SKAP1: variants seen among roughly 807,000 people sequenced by gnomAD.
SKAP1 encodes src kinase-associated phosphoprotein 1.
In SKAP1, 44 loss-of-function variants were observed where a neutral mutation model predicts 58.5. The ratio of observed to expected loss-of-function variants is 0.75; its 90% CI spans 0.59 to 0.97. SKAP1 has a LOEUF of 0.97. Ranked by LOEUF, SKAP1 falls within the 50% of genes least tolerant of loss-of-function variation. The pLI, the probability that SKAP1 is intolerant of heterozygous loss-of-function variation, is 0.00. For synonymous variants in SKAP1, 127 were observed against 149.7 expected (o/e 0.85, Z 1.11); for missense variants, 390 against 435.2 (o/e 0.90, Z 0.92).
intron 3 of SKAP1, among the ~76,000 whole-genome samples, chr17:48,362,515 G>A (rs966405792): frequency 7.9e-5 from 12 of 152,316 alleles, no homozygotes; most frequent in African/African-American, 2.9e-4. Flanking sequence ...CACATTTTGC[G>A]AAGCAAATTG....
intron 4 of SKAP1, among the ~76,000 whole-genome samples, chr17:48,266,735 C>T (rs375660272): frequency 2.2e-4 from 34 of 152,274 alleles, no homozygotes; most frequent in East Asian, 1.9e-3. Context: ...TGGTCTCGAT[C>T]TCTTGACCTC....
intron 4 of SKAP1, among the ~76,000 whole-genome samples, chr17:48,309,508 G>A (rs2066193274): frequency 6.6e-6 from 1 of 152,104 alleles, no homozygotes; most frequent in South Asian, 2.1e-4. Flanking sequence ...GGCTTATGTG[G>A]ACACAAAATC....
intron 10 of SKAP1, among the ~76,000 whole-genome samples, chr17:48,166,189 G>GA (rs985171300): frequency 2.6e-5 from 4 of 151,640 alleles, no homozygotes; most frequent in South Asian, 2.1e-4. Context: ...TTTTTCTAGA[G>GA]AAAAAAAAGC....
chr17:48,395,897 A>G (rs1446770658), intron 2 of SKAP1, among the ~76,000 whole-genome samples: 1 of 152,222 alleles, frequency 6.6e-6, no homozygotes, highest in East Asian at 1.9e-4. Flanking sequence ...AGATACTAAG[A>G]ACTGTCAGCC....
intron 9 of SKAP1, among the ~76,000 whole-genome samples, chr17:48,175,920 G>T (rs2064283455): frequency 6.6e-6 from 1 of 152,098 alleles, no homozygotes; most frequent in South Asian, 2.1e-4. Context: ...TTCAGAGGAG[G>T]CCTGATGTTG....
intron 4 of SKAP1, among the ~76,000 whole-genome samples, chr17:48,296,853 A>G (rs534668489): frequency 3.3e-5 from 5 of 152,126 alleles, no homozygotes; most frequent in African/African-American, 9.7e-5. Flanking sequence ...TTAGGAAAAA[A>G]AAAAGCACTA....
Position 48,346,021 on chromosome 17 carries a change from A to G in SKAP1, c.179-15T>C. On this transcript the variant is annotated splice_polypyrimidine_tract_variant and intron_variant, in intron 3 of 12. Transcript: ENST00000336915. Reference sequence around the variant, plus strand: ...AATGTCTCCCCCTGAGGGACAAAAAAGACAGAAAATAAGGTTAATCTTTGG... The same window carrying G: ...AATGTCTCCCCCTGAGGGACAAAAAGGACAGAAAATAAGGTTAATCTTTGG... 6.5e-7 allele frequency: 1 copy of G among 1,527,202 alleles called. No individual in the cohort carries two copies. The highest frequency in any genetic ancestry group is 9.0e-7 in the Non-Finnish European group (1 of 1,114,084). 94.6% of individuals were successfully genotyped at this position (1,527,202 alleles called of 1,614,324 possible).
chr17:48,365,772 G>C (rs551544011), intron 2 of SKAP1, among the ~76,000 whole-genome samples: 1 of 126,858 alleles, frequency 7.9e-6, no homozygotes, highest in East Asian at 2.1e-4. Context: ...GTAGATGTGC[G>C]TCGGAGCTTT....
intron 4 of SKAP1, among the ~76,000 whole-genome samples, chr17:48,268,072 C>T (rs937710086): frequency 6.6e-6 from 1 of 152,138 alleles, no homozygotes. Context: ...CTCATCAAAT[C>T]CTCGAAAGAC....
chr17:48,299,570 A>ATG (rs34889554), intron 4 of SKAP1, among the ~76,000 whole-genome samples: 4,422 of 151,400 alleles, frequency 0.029, 231 homozygotes, highest in African/African-American at 0.1. Flanking sequence ...ATATATATGT[A>ATG]TGTGTGTGTG....
At chr17:48,326,015 ACAT>A (rs544044792) in intron 4 of SKAP1, among the ~76,000 whole-genome samples, 3 of 152,364 alleles carry the variant, frequency 2.0e-5, no homozygotes, top group Non-Finnish European at 2.9e-5. Flanking sequence ...ATGTACACAC[ACAT>A]CATCATCATT....
intron 11 of SKAP1, 43 bp from the exon 12 acceptor site, chr17:48,137,380 T>C: frequency 3.7e-6 from 5 of 1,338,608 alleles, no homozygotes; most frequent in Non-Finnish European, 5.4e-6. Context: ...AATTTGTTCA[T>C]GCTTCTGCTC....
chr17:48,445,038 G>A, the SKAP1 span, among the ~76,000 whole-genome samples: 28 of 152,128 alleles, frequency 1.8e-4, no homozygotes, highest in Non-Finnish European at 4.0e-4. Context: ...GAGAAGCAGC[G>A]AGCGAGACCG....
intron 4 of SKAP1, among the ~76,000 whole-genome samples, chr17:48,302,872 A>G (rs1013528693): frequency 3.3e-5 from 5 of 152,242 alleles, no homozygotes; most frequent in Non-Finnish European, 5.9e-5. Flanking sequence ...GAGATTTGTA[A>G]GCACAGAATT....
At chr17:48,349,139 C>A (rs187973630) in intron 3 of SKAP1, among the ~76,000 whole-genome samples, 93 of 152,300 alleles carry the variant, frequency 6.1e-4, no homozygotes, top group Middle Eastern at 3.4e-3. Flanking sequence ...ACTGAGGATG[C>A]ATGGGTGAAA....
chr17:48,312,617 T>A (rs563656909), intron 4 of SKAP1, among the ~76,000 whole-genome samples: 3 of 152,280 alleles, frequency 2.0e-5, no homozygotes, highest in African/African-American at 7.2e-5. Context: ...AAGTTCTACA[T>A]GCATTAAAAG....
intron 4 of SKAP1, among the ~76,000 whole-genome samples, chr17:48,222,791 T>G (rs2065019619): frequency 6.6e-6 from 1 of 150,394 alleles, no homozygotes; most frequent in Non-Finnish European, 1.5e-5. Context: ...TAAGGCCGGG[T>G]GTGGTGGCTC....
chr17:48,387,865 G>A (rs962843973), intron 2 of SKAP1, among the ~76,000 whole-genome samples: 4 of 152,062 alleles, frequency 2.6e-5, no homozygotes, highest in Admixed American at 2.0e-4. Context: ...CAGGTAGAAT[G>A]TTCGAATTGA....
intron 11 of SKAP1, among the ~76,000 whole-genome samples, chr17:48,155,424 C>T (rs1013306415): frequency 1.3e-5 from 2 of 151,826 alleles, no homozygotes; most frequent in Admixed American, 1.3e-4. Context: ...TGCCAACAAG[C>T]ATTATTATTA....
Sources: gnomAD v4.1 joint callset for allele counts (sites outside exome capture counted in the v4.1 genomes callset) on GRCh38, gnomAD v4.1.1 for gene constraint, MANE v1.5 for transcripts, NCBI Gene and HGNC (gene_info 2026-07-23, HGNC 2026-07-21) for gene names.